The following SEC61A2 variants were observed in gnomAD, a reference collection of about 807,000 sequenced individuals.
SEC61A2 encodes the protein protein transport protein Sec61 subunit alpha isoform 2.
Under a neutral mutation model 59.9 loss-of-function variants are expected in SEC61A2, and 28 were observed. The ratio of observed to expected loss-of-function variants is 0.47; its 90% CI spans 0.35 to 0.64. The LOEUF (loss-of-function observed/expected upper bound fraction) is 0.64, where lower values mean the gene tolerates loss of function less well. Among genes scored for constraint, SEC61A2 ranks in the 30% least tolerant of loss-of-function variants. SEC61A2 has a pLI of 0.01. For synonymous variants in SEC61A2, 202 were observed against 214.4 expected (o/e 0.94, Z 0.50); for missense variants, 340 against 585.9 (o/e 0.58, Z 4.33).
At position 12,149,603 on chromosome 10, in the gene SEC61A2, A is replaced by G. The variant is rs1340369909; in HGVS notation, c.229A>G (p.Met77Val). 1 of 1,603,886 alleles carries G rather than the reference A, an allele frequency of 6.2e-7. No homozygotes were observed. The highest frequency in any genetic ancestry group is 1.3e-5 in the African/African-American group (1 of 74,262). Residue 77 changes from methionine to valine, a missense_variant, in exon 5 of 12, where the codon ATG (methionine) becomes GTG (valine). Met to Val is a conservative substitution (Grantham distance 21, BLOSUM62 1). Around this residue, in one of 3 missense-constraint regions of SEC61A2, gnomAD observed 16 missense variants for 55.0 expected, o/e 0.29. Coordinates refer to ENST00000298428, the MANE Select transcript of SEC61A2 (RefSeq NM_018144.4). This position sits in a 1 kb window ranked among gnomAD's most constrained non-coding sequence, Gnocchi z 5.2. ...CTCCCCTTCCTTTCCAGGAACTTTAATGGAATTGGGTATCTCCCCAATTGT... is the reference window on the plus strand; with the variant it reads ...CTCCCCTTCCTTTCCAGGAACTTTAGTGGAATTGGGTATCTCCCCAATTGT... ...VILASNRGTL[M>V]ELGISPIVTS... is the part of the protein sequence containing the mutation.
At chr10:12,131,320 G>A (rs1833732254) in intron 1 of SEC61A2, among the ~76,000 whole-genome samples, 1 of 152,198 alleles carries the variant, frequency 6.6e-6, no homozygotes, top group African/African-American at 2.4e-5. Context: ...ATAGAATCCA[G>A]TGTCTGTAGG....
Position 12,155,355 on chromosome 10 carries a change from T to C in SEC61A2, c.463-423T>C. The C allele has an allele frequency of 1.3e-6, 2 of 1,582,102 alleles. No homozygotes were observed. Among genetic ancestry groups the C allele is most frequent in the South Asian group, 1.2e-5 (1 of 85,612 alleles). On this transcript the variant is annotated intron_variant, in intron 6 of 11. Transcript: ENST00000298428. The surrounding 1 kb of genome is among the most constrained non-coding windows in gnomAD (Gnocchi z 4.3). ...CTTATCCTTTGATGGCAGTGTACAT[T>C]TCCATCTTGCTATTATACCAGAATT...
intron 1 of SEC61A2, among the ~76,000 whole-genome samples, chr10:12,131,657 A>G (rs1833739573): frequency 7.3e-6 from 1 of 137,356 alleles, no homozygotes; most frequent in Non-Finnish European, 1.6e-5. Context: ...ATGTGGTCTG[A>G]TGAAATCAAA....
At chr10:12,146,601 T>C (rs1834143093) in intron 4 of SEC61A2, among the ~76,000 whole-genome samples, 2 of 151,650 alleles carry the variant, frequency 1.3e-5, no homozygotes, top group African/African-American at 4.8e-5. Context: ...CACTGCAAGC[T>C]CCGCCTCCCG....
rs1393332787 is a variant in SEC61A2, at chr10:12,149,997, AAC to A, written c.462+38_462+39del. ...CTATATTTTCCTATGCAGATAACAAAACAGTTTGATTCCTTTTTCCTTTTCTA... is the reference window on the plus strand; with the variant it reads ...CTATATTTTCCTATGCAGATAACAAAAGTTTGATTCCTTTTTCCTTTTCTA... On this transcript the variant is annotated intron_variant, in intron 6 of 11. Transcript: ENST00000298428. This position sits in a 1 kb window ranked among gnomAD's most constrained non-coding sequence, Gnocchi z 5.2. The A allele has an allele frequency of 5.7e-6, 8 of 1,394,314 alleles. No homozygotes were observed. The highest frequency in any genetic ancestry group is 4.2e-5 in the African/African-American group (3 of 70,598). The allele number at this position is 1,394,314 out of a possible 1,614,324, so 86.4% of individuals were successfully genotyped here.
In SEC61A2 at chr10:12,164,745, G is replaced by A. The variant is rs555850508; in HGVS notation, c.*291G>A. ...TGTTAAATCATGACAGTGAGACGGT[G>A]AGATGGATTCGTTTTGCACACAACA... On this transcript the variant is annotated 3_prime_UTR_variant, in exon 12 of 12. Transcript: ENST00000298428. This position sits in a 1 kb window ranked among gnomAD's most constrained non-coding sequence, Gnocchi z 7.3. 45 of 1,161,058 alleles carry A rather than the reference G, an allele frequency of 3.9e-5. No homozygotes were observed. In the South Asian group the frequency reaches 1.1e-3, roughly 28 times the overall value. 71.9% of individuals were successfully genotyped at this position (1,161,058 alleles called of 1,614,324 possible).
intron 4 of SEC61A2, among the ~76,000 whole-genome samples, chr10:12,147,560 C>T (rs1384324819): frequency 6.6e-6 from 1 of 151,784 alleles, no homozygotes; most frequent in Non-Finnish European, 1.5e-5. Context: ...TGGCTTACGC[C>T]AGTAATCTCA....
chr10:12,141,643 T>A (rs992523108), intron 3 of SEC61A2, among the ~76,000 whole-genome samples: 1 of 152,214 alleles, frequency 6.6e-6, no homozygotes, highest in African/African-American at 2.4e-5. Flanking sequence ...TAAAAAGATA[T>A]CTCCTCCTAG....
chr10:12,139,057 G>A (rs1013056459), intron 3 of SEC61A2, among the ~76,000 whole-genome samples: 2 of 152,144 alleles, frequency 1.3e-5, no homozygotes, highest in Admixed American at 1.3e-4. Context: ...CGCCTCCCGG[G>A]TTCAAGCGAT....
At chr10:12,146,663 G>A (rs1021627319) in intron 4 of SEC61A2, among the ~76,000 whole-genome samples, 34 of 151,808 alleles carry the variant, frequency 2.2e-4, no homozygotes, top group Admixed American at 1.3e-4. Context: ...GACTACAGGT[G>A]CCCGCCACCA....
chr10:12,164,259 G>C lies in SEC61A2; in HGVS notation c.1245-9G>C. ...CTGCTGCCGCCTAACTTGGGGTTCT[G>C]TCTCCTAGGTACATCCCCACCGCAG... On this transcript the variant is annotated splice_polypyrimidine_tract_variant and intron_variant, in intron 11 of 11. Transcript: ENST00000298428. The surrounding 1 kb of genome is among the most constrained non-coding windows in gnomAD (Gnocchi z 7.3). 6.2e-7 allele frequency: 1 copy of C among 1,611,916 alleles called. No homozygotes were observed. Among genetic ancestry groups the C allele is most frequent in the Non-Finnish European group, 8.5e-7 (1 of 1,179,824 alleles).
At position 12,160,865 on chromosome 10, in the gene SEC61A2, T is replaced by A. The variant is rs1253565877; in HGVS notation, c.976-65T>A. The A allele has an allele frequency of 7.4e-7, 1 of 1,342,818 alleles. No homozygotes were observed. Among genetic ancestry groups the A allele is most frequent in the Non-Finnish European group, 1.0e-6 (1 of 969,850 alleles). 83.2% of individuals were successfully genotyped at this position (1,342,818 alleles called of 1,614,324 possible). A position where few individuals can be genotyped will look rare whatever the true frequency, so the allele number is the denominator to read the frequency against. ...ACTGTCATTTCTGAGAAGTTTGAAG[T>A]GACATGCAAATGTATTCCTGACTAA... is the stretch of plus-strand genomic sequence containing the variant. On this transcript the variant is annotated intron_variant, in intron 9 of 11. Transcript: ENST00000298428. The surrounding 1 kb of genome is among the most constrained non-coding windows in gnomAD (Gnocchi z 4.1).
At position 12,158,545 on chromosome 10, in the gene SEC61A2, C is replaced by T. The variant is rs147925707; in HGVS notation, c.975+440C>T. Among the ~76,000 whole-genome samples, 783 of 152,138 alleles carry T rather than the reference C, an allele frequency of 5.1e-3. 12 individuals carry two copies. Among genetic ancestry groups the T allele is most frequent in the African/African-American group, 0.018 (735 of 41,490 alleles). ...CAGGAGTTCGAGACCAGCCTGGCCACATGGTGAAACCCCGTCTCCACTAAA... is the reference window on the plus strand; with the variant it reads ...CAGGAGTTCGAGACCAGCCTGGCCATATGGTGAAACCCCGTCTCCACTAAA... On this transcript the variant is annotated intron_variant, in intron 9 of 11. Coordinates refer to ENST00000298428, the MANE Select transcript of SEC61A2 (RefSeq NM_018144.4). The surrounding 1 kb of genome is among the most constrained non-coding windows in gnomAD (Gnocchi z 5.7).
chr10:12,139,968 C>CA (rs776277274), intron 3 of SEC61A2, among the ~76,000 whole-genome samples: 1,449 of 51,874 alleles, frequency 0.028, 28 homozygotes, highest in African/African-American at 0.076. Flanking sequence ...GACTCCATCT[C>CA]AAAAAAAAAA....
rs867313855 is a variant in SEC61A2 at position 12,154,227 on chromosome 10, C to A, written c.463-1551C>A. On this transcript the variant is annotated intron_variant, in intron 6 of 11. Transcript: ENST00000298428. The surrounding 1 kb of genome is among the most constrained non-coding windows in gnomAD (Gnocchi z 5.2). Reference sequence around the variant, plus strand: ...TGCATGATATTTACTGGCTTTTATTCCCTTAATTATAGAAACCGTTTCTCA... The same window carrying A: ...TGCATGATATTTACTGGCTTTTATTACCTTAATTATAGAAACCGTTTCTCA... 2.0e-5 allele frequency among the ~76,000 whole-genome samples: 3 copies of A among 152,278 alleles called. No individual in the cohort carries two copies. The Middle Eastern group carries it at 0.01, about 518-fold the overall frequency.
At chr10:12,166,925 T>C (rs1045865773), downstream of SEC61A2, 14 of 291,308 alleles carry the variant, frequency 4.8e-5, no homozygotes, top group Admixed American at 1.9e-4. Context: ...GTTCTGTTCA[T>C]GGTTTAACAT....
Position 12,162,302 on chromosome 10 carries a change from G to A in SEC61A2, c.1244+13G>A. The A allele has an allele frequency of 6.3e-7, 1 of 1,599,928 alleles. No homozygotes were observed. On this transcript the variant is annotated intron_variant, in intron 11 of 11. Transcript: ENST00000298428. The surrounding 1 kb of genome is among the most constrained non-coding windows in gnomAD (Gnocchi z 6.1). ...ATGAGCTTAATAGGTAAGGCTGCTA[G>A]ACTGACACCTTTATAGGCCTGTGTT... is the stretch of plus-strand genomic sequence containing the variant.
downstream of SEC61A2, among the ~76,000 whole-genome samples, chr10:12,169,100 C>G (rs1834787208): frequency 6.6e-6 from 1 of 152,168 alleles, no homozygotes; most frequent in Non-Finnish European, 1.5e-5. The surrounding 1 kb of genome is among the most constrained non-coding windows in gnomAD (Gnocchi z 4.8). Flanking sequence ...TTCCTTCCGA[C>G]TTCTCAAATG....
chr10:12,167,508 G>T, downstream of SEC61A2: 1 of 535,658 alleles, frequency 1.9e-6, no homozygotes, highest in Non-Finnish European at 3.3e-6. Context: ...ATTTTAGCTG[G>T]AGTTATAACA....
Sources: gnomAD v4.1 joint callset for allele counts (sites outside exome capture counted in the v4.1 genomes callset) on GRCh38, gnomAD v4.1.1 for gene constraint, gnomAD v4.1.1 regional missense constraint, Gnocchi (gnomAD v3.1) non-coding constraint, MANE v1.5 for transcripts, NCBI Gene and HGNC (gene_info 2026-07-23, HGNC 2026-07-21) for gene names.